The following USP34 variants were observed in gnomAD, a reference collection of about 807,000 sequenced individuals.
USP34 encodes the protein ubiquitin specific peptidase 34.
A neutral mutation model predicts 460.3 loss-of-function variants in USP34; 70 were observed. The observed-to-expected ratio is 0.15, with a 90% CI of 0.13 to 0.19. USP34 has a LOEUF of 0.19. USP34 is among the 10% of genes least tolerant of loss of function. The probability of loss-of-function intolerance (pLI) is 1.00; values close to 1 mark genes in which losing one functional copy is unlikely to be tolerated. For synonymous variants in USP34, 1,647 were observed against 1,405.3 expected (o/e 1.17, Z -3.85); for missense variants, 3,985 against 4,236.2 (o/e 0.94, Z 1.65).
At chr2:61,351,751 T>C (rs1691948725) in intron 10 of USP34, among the ~76,000 whole-genome samples, 2 of 152,314 alleles carry the variant, frequency 1.3e-5, no homozygotes, top group South Asian at 4.1e-4. Context: ...AACATAATAC[T>C]GCAGGAATTC....
intron 2 of USP34, among the ~76,000 whole-genome samples, chr2:61,408,690 G>A (rs761982584): frequency 8.6e-5 from 13 of 152,012 alleles, no homozygotes; most frequent in Non-Finnish European, 1.9e-4. Flanking sequence ...AAGGTCAGGG[G>A]TTTGACACCA....
At chr2:61,433,370 A>G (rs1273952418) in intron 1 of USP34, among the ~76,000 whole-genome samples, 2 of 152,192 alleles carry the variant, frequency 1.3e-5, no homozygotes, top group Non-Finnish European at 2.9e-5. Context: ...GCGGTGGCTC[A>G]TGCCTGTAAT....
chr2:61,440,960 T>C (rs1694948138), intron 1 of USP34, among the ~76,000 whole-genome samples: 3 of 151,558 alleles, frequency 2.0e-5, no homozygotes. Flanking sequence ...ACCCCGTCTC[T>C]ACTAAAAATA....
intron 39 of USP34, 95 bp downstream of exon 39, chr2:61,280,149 G>C (rs538747551): frequency 3.0e-6 from 2 of 661,680 alleles, no homozygotes; most frequent in East Asian, 3.4e-5. Context: ...GATTAATGAA[G>C]TACACTTAAT....
At chr2:61,394,192 A>G (rs1015430197) in intron 5 of USP34, among the ~76,000 whole-genome samples, 1 of 152,220 alleles carries the variant, frequency 6.6e-6, no homozygotes, top group African/African-American at 2.4e-5. Flanking sequence ...CTCACAGGAT[A>G]CAGAAGAATT....
intron 25 of USP34, 70 bp downstream of exon 25, chr2:61,314,515 A>C: frequency 7.6e-7 from 1 of 1,320,652 alleles, no homozygotes; most frequent in Non-Finnish European, 9.9e-7. Context: ...GATTCACTTT[A>C]AGAATATTTC....
At chr2:61,269,212 C>T (rs1160135459) in intron 41 of USP34, among the ~76,000 whole-genome samples, 3 of 152,120 alleles carry the variant, frequency 2.0e-5, no homozygotes, top group South Asian at 2.1e-4. Context: ...CCCAGGCTAG[C>T]GACAGTGGTG....
At chr2:61,287,589 C>T (rs990153448) in intron 34 of USP34, among the ~76,000 whole-genome samples, 1 of 152,170 alleles carries the variant, frequency 6.6e-6, no homozygotes, top group Non-Finnish European at 1.5e-5. Context: ...AATGTGAAGA[C>T]CATGAGGATG....
chr2:61,452,597 TTACAGGCGTCAGCCACCGTGCTGG>T (rs1695316686), intron 1 of USP34, among the ~76,000 whole-genome samples: 1 of 151,868 alleles, frequency 6.6e-6, no homozygotes, highest in Non-Finnish European at 1.5e-5. Flanking sequence ...AGTGCTGGCA[TTACAGGCGTCAGCCACCGTGCTGG>T]CCTGTAATCC....
chr2:61,216,786 C>T (rs1482010316), intron 67 of USP34, among the ~76,000 whole-genome samples: 16 of 150,472 alleles, frequency 1.1e-4, no homozygotes, highest in African/African-American at 2.9e-4. Flanking sequence ...GGTGTGGTGG[C>T]GGGTGCCTGT....
intron 62 of USP34, among the ~76,000 whole-genome samples, chr2:61,225,621 T>G (rs901387305): frequency 2.0e-5 from 3 of 152,170 alleles, no homozygotes; most frequent in Non-Finnish European, 2.9e-5. Flanking sequence ...AATTCTTGTA[T>G]TTGAGGTAGT....
chr2:61,435,214 G>A (rs1313688594), intron 1 of USP34, among the ~76,000 whole-genome samples: 1 of 142,772 alleles, frequency 7.0e-6, no homozygotes, highest in Non-Finnish European at 1.5e-5. Flanking sequence ...TGAGGTGGGA[G>A]AATCACCTGA....
At chr2:61,276,149 G>C (rs1287899618) in intron 41 of USP34, among the ~76,000 whole-genome samples, 1 of 152,158 alleles carries the variant, frequency 6.6e-6, no homozygotes, top group Non-Finnish European at 1.5e-5. Context: ...AAATATCTCA[G>C]TGACATAAGA....
Position 61,311,658 on chromosome 2 carries a change from C to G in USP34, c.3699G>C (p.Gln1233His), listed in dbSNP as rs748561767. The change falls in exon 27 of 80, where the codon CAG becomes CAC. Residue 1233 changes from glutamine (Q) to histidine (H), a missense_variant. Coordinates refer to ENST00000398571, the MANE Select transcript of USP34 (RefSeq NM_014709.4). ...TTACTTCAGCCCTAAGATCTGCTAC[C>G]TGGTCACTAGGATACATTTCAATAG... ...KMTIEMYPSD[Q>H]VADLRAEVTH... 1 of 1,612,776 alleles carries G rather than the reference C, an allele frequency of 6.2e-7. No individual in the cohort carries two copies. Among genetic ancestry groups the G allele is most frequent in the East Asian group, 2.2e-5 (1 of 44,868 alleles).
chr2:61,449,509 GAA>G (rs34449666), intron 1 of USP34, among the ~76,000 whole-genome samples: 2 of 139,768 alleles, frequency 1.4e-5, no homozygotes, highest in Admixed American at 7.3e-5. Flanking sequence ...ACATAATTTT[GAA>G]AAAAAAAACA....
At chr2:61,383,380 AATAC>A (rs757984228) in intron 5 of USP34, 44 bp from the exon 6 acceptor site, 6 of 1,365,602 alleles carry the variant, frequency 4.4e-6, no homozygotes, top group Middle Eastern at 2.3e-4. Context: ...TAATATGTGA[AATAC>A]ATATATCTTT....
At position 61,350,612 on chromosome 2, in the gene USP34, G is replaced by A. The variant is rs1481115628; in HGVS notation, c.1333C>T (p.Leu445Phe). 6.2e-7 allele frequency: 1 copy of A among 1,613,594 alleles called. No homozygotes were observed. The highest frequency in any genetic ancestry group is 1.3e-5 in the African/African-American group (1 of 74,850). The part of the protein sequence containing the change: ...NLDPVPLRHL[L>F]NLVSALEPSV... ...GGCTCAAGAGCTGAGACCAGATTAA[G>A]TAGATGTCTAAGTGGTACGGGATCC... Residue 445 changes from leucine to phenylalanine, a missense_variant, in exon 11 of 80, where the codon CTT becomes TTT. By Grantham distance (22) the Leu-to-Phe change is conservative (BLOSUM62 0). This residue lies in a region of USP34 where 716 missense variants were observed against 626.2 expected (regional missense o/e 1.14). Coordinates refer to ENST00000398571, the MANE Select transcript of USP34 (RefSeq NM_014709.4).
At chr2:61,431,539 T>C (rs1000644731) in intron 1 of USP34, among the ~76,000 whole-genome samples, 1 of 152,200 alleles carries the variant, frequency 6.6e-6, no homozygotes, top group African/African-American at 2.4e-5. Context: ...AGGATTACTA[T>C]AGTTAATAAT....
intron 2 of USP34, among the ~76,000 whole-genome samples, chr2:61,408,014 C>A (rs1693931337): frequency 6.6e-6 from 1 of 152,142 alleles, no homozygotes; most frequent in Non-Finnish European, 1.5e-5. Context: ...ACTTGGGATG[C>A]TAAGGCAGGA....
Sources: allele counts gnomAD v4.1 joint callset (sites outside exome capture counted in the v4.1 genomes callset), GRCh38; gene constraint gnomAD v4.1.1; regional missense constraint gnomAD v4.1.1; transcripts MANE v1.5; gene names NCBI Gene and HGNC (gene_info 2026-07-23, HGNC 2026-07-21).